Variants in SHISA6 observed in about 807,000 individuals in gnomAD.
SHISA6 encodes protein shisa-6.
A neutral mutation model predicts 47.9 loss-of-function variants in SHISA6; 22 were observed. That is an observed-to-expected ratio of 0.46 (90% confidence interval 0.33 to 0.66). The LOEUF is 0.66. SHISA6 is among the 30% of genes least tolerant of loss of function. The probability of loss-of-function intolerance (pLI) is 0.02; values close to 1 mark genes in which losing one functional copy is unlikely to be tolerated. For missense variants in SHISA6, 680 were observed against 764.6 expected (o/e 0.89, Z 1.30); for synonymous variants, 388 against 337.8 (o/e 1.15, Z -1.63).
intron 1 of SHISA6, among the ~76,000 whole-genome samples, chr17:11,253,396 A>G (rs1185599377): frequency 2.0e-5 from 3 of 152,044 alleles, no homozygotes; most frequent in East Asian, 1.9e-4. Context: ...TTCACAGGGG[A>G]CATACACCAT....
intron 3 of SHISA6, among the ~76,000 whole-genome samples, chr17:11,504,171 A>G (rs1294007806): frequency 6.6e-6 from 1 of 152,152 alleles, no homozygotes. Flanking sequence ...GTGCTTGTAT[A>G]TGAGGAGGAA....
intron 3 of SHISA6, among the ~76,000 whole-genome samples, chr17:11,441,565 A>G (rs1915093104): frequency 6.6e-6 from 1 of 152,228 alleles, no homozygotes; most frequent in Admixed American, 6.5e-5. Flanking sequence ...ATCTGTAATC[A>G]GGAAAAGAAA....
At chr17:11,499,696 T>TG (rs1567622358) in intron 3 of SHISA6, among the ~76,000 whole-genome samples, 13 of 150,356 alleles carry the variant, frequency 8.6e-5, no homozygotes, top group African/African-American at 2.7e-4. Context: ...TTTTTTTTTT[T>TG]TTTTGTTGTT....
At chr17:11,243,936 C>T (rs1907477168) in intron 1 of SHISA6, among the ~76,000 whole-genome samples, 2 of 152,218 alleles carry the variant, frequency 1.3e-5, no homozygotes. Context: ...ACAGTTTATT[C>T]GTCATCGCCT....
intron 3 of SHISA6, among the ~76,000 whole-genome samples, chr17:11,414,059 C>A (rs1186782813): frequency 6.6e-6 from 1 of 151,480 alleles, no homozygotes; most frequent in Non-Finnish European, 1.5e-5. Context: ...TCCTCCAGTT[C>A]CTCTTCCTCC....
intron 2 of SHISA6, among the ~76,000 whole-genome samples, chr17:11,267,092 G>A (rs1908452419): frequency 2.0e-5 from 3 of 152,204 alleles, no homozygotes; most frequent in African/African-American, 7.2e-5. Context: ...CACATTAGCA[G>A]AAAAATCCTG....
chr17:11,456,266 C>T (rs543415252), intron 3 of SHISA6, among the ~76,000 whole-genome samples: 1 of 152,262 alleles, frequency 6.6e-6, no homozygotes, highest in African/African-American at 2.4e-5. Context: ...ATGGTCATAC[C>T]GGTTGTGCTC....
chr17:11,526,721 G>T (rs548248696), intron 3 of SHISA6, among the ~76,000 whole-genome samples: 1 of 152,030 alleles, frequency 6.6e-6, no homozygotes, highest in Non-Finnish European at 1.5e-5. Flanking sequence ...TTTTGCTGAA[G>T]CATTTTGCTT....
At chr17:11,254,159 G>A (rs1419391908) in intron 1 of SHISA6, among the ~76,000 whole-genome samples, 1 of 152,172 alleles carries the variant, frequency 6.6e-6, no homozygotes, top group African/African-American at 2.4e-5. Flanking sequence ...ACCTTTGGAG[G>A]TTGTCATCCA....
At chr17:11,477,423 CT>C (rs921352602) in intron 3 of SHISA6, among the ~76,000 whole-genome samples, 5 of 151,826 alleles carry the variant, frequency 3.3e-5, no homozygotes, top group African/African-American at 9.7e-5. Flanking sequence ...AGTTAAACTA[CT>C]TTTTTTTATT....
At chr17:11,294,233 C>T (rs1030783991) in intron 2 of SHISA6, among the ~76,000 whole-genome samples, 4 of 152,172 alleles carry the variant, frequency 2.6e-5, no homozygotes, top group African/African-American at 9.7e-5. Flanking sequence ...GCTCGAATGA[C>T]TCCAACAAAA....
intron 2 of SHISA6, among the ~76,000 whole-genome samples, chr17:11,366,629 G>A (rs1912460224): frequency 6.6e-6 from 1 of 152,194 alleles, no homozygotes; most frequent in African/African-American, 2.4e-5. Flanking sequence ...GATGAGGGAT[G>A]GTGGCAGCAC....
chr17:11,426,703 G>T (rs763782226), intron 3 of SHISA6, among the ~76,000 whole-genome samples: 3 of 152,162 alleles, frequency 2.0e-5, no homozygotes, highest in South Asian at 4.2e-4. Flanking sequence ...AGTAAATAGA[G>T]ATTTTTTACA....
chr17:11,399,366 TC>T (rs1351451051), intron 3 of SHISA6, among the ~76,000 whole-genome samples: 1 of 152,194 alleles, frequency 6.6e-6, no homozygotes. Flanking sequence ...CAATATTGTG[TC>T]ACTGACAAGT....
chr17:11,386,250 C>G (rs1913191160), intron 3 of SHISA6, among the ~76,000 whole-genome samples: 2 of 152,134 alleles, frequency 1.3e-5, no homozygotes, highest in Admixed American at 1.3e-4. Flanking sequence ...TGGTGCACAC[C>G]TGTAATTGCA....
intron 1 of SHISA6, among the ~76,000 whole-genome samples, chr17:11,253,214 G>A (rs1009162358): frequency 4.0e-5 from 6 of 151,894 alleles, no homozygotes; most frequent in South Asian, 2.1e-4. Flanking sequence ...CTCTCTGTCC[G>A]ACTTGCCTTC....
intron 2 of SHISA6, among the ~76,000 whole-genome samples, chr17:11,293,827 G>A (rs577032617): frequency 2.6e-5 from 4 of 152,282 alleles, no homozygotes; most frequent in Non-Finnish European, 5.9e-5. Context: ...CCTGGCACAC[G>A]CTGCGCAGTT....
chr17:11,439,693 G>C (rs1915047810), intron 3 of SHISA6, among the ~76,000 whole-genome samples: 1 of 152,128 alleles, frequency 6.6e-6, no homozygotes, highest in African/African-American at 2.4e-5. Flanking sequence ...GCATTTAGTA[G>C]AACTTGAGAA....
intron 3 of SHISA6, among the ~76,000 whole-genome samples, chr17:11,504,050 T>C (rs573303801): frequency 6.6e-6 from 1 of 152,354 alleles, no homozygotes; most frequent in South Asian, 2.1e-4. Flanking sequence ...CTGGGATGGA[T>C]GCATGAGTTA....
Sources: allele counts gnomAD v4.1 joint callset (sites outside exome capture counted in the v4.1 genomes callset), GRCh38; gene constraint gnomAD v4.1.1; transcripts MANE v1.5; gene names NCBI Gene and HGNC (gene_info 2026-07-23, HGNC 2026-07-21).